PCDHA7: variants seen among roughly 807,000 people sequenced by gnomAD.
The protein encoded by PCDHA7 is protocadherin alpha 7.
Under a neutral mutation model 57.2 loss-of-function variants are expected in PCDHA7, and 37 were observed. The ratio of observed to expected loss-of-function variants is 0.65; its 90% confidence interval spans 0.50 to 0.85. The LOEUF (loss-of-function observed/expected upper bound fraction) is 0.85. Among genes scored for constraint, PCDHA7 ranks in the 40% least tolerant of loss-of-function variants. The pLI, the probability that PCDHA7 is intolerant of heterozygous loss-of-function variation, is 0.00. For missense variants in PCDHA7, 1,188 were observed against 1,241.8 expected (o/e 0.96, Z 0.65); for synonymous variants, 553 against 558.8 (o/e 0.99, Z 0.15).
At chr5:140,918,970 T>C (rs1217884686) in intron 1 of PCDHA7, among the ~76,000 whole-genome samples, 1 of 152,220 alleles carries the variant, frequency 6.6e-6, no homozygotes, top group Non-Finnish European at 1.5e-5. Flanking sequence ...CAGATATCGT[T>C]TAGGTTAGTT....
intron 1 of PCDHA7, among the ~76,000 whole-genome samples, chr5:140,914,956 T>C (rs2076915145): frequency 6.6e-6 from 1 of 150,718 alleles, no homozygotes; most frequent in African/African-American, 2.4e-5. Flanking sequence ...TTTTTTTTTT[T>C]TTTTTTCTGA....
chr5:140,870,689 T>G (rs1349209235), intron 1 of PCDHA7: 1 of 1,612,838 alleles, frequency 6.2e-7, no homozygotes. Context: ...GAGCTGGAGC[T>G]GCTACAGTTC....
In PCDHA7 at chr5:140,834,789, A is replaced by T; in HGVS notation, c.406A>T (p.Thr136Ser). The change falls in exon 1 of 4, where the codon ACA (threonine) becomes TCA (serine). Residue 136 changes from threonine to serine, a missense_variant. Physicochemically the swap from Thr to Ser is moderately conservative, Grantham distance 58. Transcript: ENST00000525929. ...CGACAACCCTCCGGTGTTCCCAGCG[A>T]CACAAAGGAATCTGTTCATCGCGGA... is the stretch of plus-strand genomic sequence containing the variant. The part of the protein sequence containing the change: ...INDNPPVFPA[T>S]QRNLFIAESR... 1 of 1,613,702 alleles carries T rather than the reference A, an allele frequency of 6.2e-7. No individual in the cohort carries two copies. The highest frequency in any genetic ancestry group is 8.5e-7 in the Non-Finnish European group (1 of 1,179,910).
chr5:140,874,673 TG>T (rs1192690253), intron 1 of PCDHA7, among the ~76,000 whole-genome samples: 4 of 152,260 alleles, frequency 2.6e-5, no homozygotes, highest in African/African-American at 9.6e-5. Context: ...AATCTATTCC[TG>T]AGATTTGTTT....
At chr5:140,871,466 A>T in intron 1 of PCDHA7, 1 of 1,603,050 alleles carries the variant, frequency 6.2e-7, no homozygotes. Flanking sequence ...GGGGAAAGAC[A>T]GGAGCCAGGG....
chr5:141,009,690 T>G lies in PCDHA7; in HGVS notation c.2567T>G (p.Phe856Cys). The G allele has an allele frequency of 6.2e-7, 1 of 1,614,068 alleles. No homozygotes were observed. The highest frequency in any genetic ancestry group is 8.5e-7 in the Non-Finnish European group (1 of 1,180,024). The change falls in exon 4 of 4, where the codon TTT (phenylalanine) becomes TGT (cysteine). Residue 856 changes from phenylalanine to cysteine, a missense_variant. Phe to Cys is a radical substitution (Grantham distance 205). Coordinates refer to ENST00000525929, the MANE Select transcript of PCDHA7 (RefSeq NM_018910.3). ...GGTGTCAACAGCAACAGCTGGACCT[T>G]TAAATACGGACCAGGCAACCCCAAA... ...GAGVNSNSWT[F>C]KYGPGNPKQS...
chr5:140,914,076 T>C (rs2076593853), intron 1 of PCDHA7, among the ~76,000 whole-genome samples: 1 of 152,218 alleles, frequency 6.6e-6, no homozygotes, highest in Non-Finnish European at 1.5e-5. Context: ...TCCATAACTA[T>C]CTATTAGGTC....
chr5:140,923,220 G>A (rs1264496576), intron 1 of PCDHA7, among the ~76,000 whole-genome samples: 5 of 71,932 alleles, frequency 7.0e-5, no homozygotes, highest in African/African-American at 2.1e-4. Flanking sequence ...TGAAAGGATC[G>A]TTTGAGCCCA....
At chr5:140,874,647 G>T (rs2055047919) in intron 1 of PCDHA7, among the ~76,000 whole-genome samples, 1 of 152,200 alleles carries the variant, frequency 6.6e-6, no homozygotes, top group Non-Finnish European at 1.5e-5. Context: ...ACTTTTGCTA[G>T]AGTAAAACTT....
rs782166832 is a variant in PCDHA7, at chr5:140,882,300, C to G, written c.2355+45562C>G. 1.4e-5 allele frequency: 22 copies of G among 1,613,604 alleles called. No individual in the cohort carries two copies. The East Asian group carries it at 4.5e-4, about 33-fold the overall frequency. The stretch of plus-strand genomic sequence containing the variant: ...TCTTCCTGGCAAGGAGGCCCAAGAC[C>G]GCGGCAACTACTGCTCTGGCTTCTG... On this transcript the variant is annotated intron_variant, in intron 1 of 3. Coordinates refer to ENST00000525929, the MANE Select transcript of PCDHA7 (RefSeq NM_018910.3).
rs1436927101 is a variant in PCDHA7 at position 140,886,292 on chromosome 5, T to A, written c.2355+49554T>A. Reference sequence around the variant, plus strand: ...AAATTTTTTAAAATTATTTTTATATTTATTTATTTTTTATTACACTTTAAG... The same window carrying A: ...AAATTTTTTAAAATTATTTTTATATATATTTATTTTTTATTACACTTTAAG... On this transcript the variant is annotated intron_variant, in intron 1 of 3. Coordinates refer to ENST00000525929, the MANE Select transcript of PCDHA7 (RefSeq NM_018910.3). 5.3e-5 allele frequency among the ~76,000 whole-genome samples: 8 copies of A among 152,090 alleles called. No homozygotes were observed. In the East Asian group the frequency reaches 1.3e-3, roughly 26 times the overall value.
At chr5:140,888,967 G>T (rs1434157317) in intron 1 of PCDHA7, among the ~76,000 whole-genome samples, 1 of 152,000 alleles carries the variant, frequency 6.6e-6, no homozygotes, top group African/African-American at 2.4e-5. Flanking sequence ...CAATGTTAAT[G>T]TGTTGAATTT....
intron 1 of PCDHA7, among the ~76,000 whole-genome samples, chr5:140,934,505 G>C (rs155823): frequency 0.32 from 48,260 of 151,744 alleles, 8,006 homozygotes; most frequent in East Asian, 0.53. Flanking sequence ...ACACCCAAAG[G>C]GTCCATAGAC....
At chr5:140,870,806 A>AGAGT in intron 1 of PCDHA7, 1 of 1,613,688 alleles carries the variant, frequency 6.2e-7, no homozygotes, top group Non-Finnish European at 8.5e-7. Flanking sequence ...CTGGCGACTC[A>AGAGT]GGCTGGCAGC....
At chr5:140,913,122 C>A (rs2076217505) in intron 1 of PCDHA7, among the ~76,000 whole-genome samples, 1 of 152,158 alleles carries the variant, frequency 6.6e-6, no homozygotes, top group African/African-American at 2.4e-5. Context: ...TGGAAGTTAA[C>A]CCCTCCTCTA....
chr5:140,927,756 T>G (rs782307164), intron 1 of PCDHA7: 2 of 1,614,012 alleles, frequency 1.2e-6, no homozygotes, highest in South Asian at 1.1e-5. Flanking sequence ...ACGTGCACCC[T>G]AAAAGTGGGG....
In PCDHA7 at chr5:140,882,159, T is replaced by C. The variant is rs1017946710; in HGVS notation, c.2355+45421T>C. 76 of 1,509,284 alleles carry C rather than the reference T, an allele frequency of 5.0e-5. No individual in the cohort carries two copies. The African/African-American group carries it at 8.9e-4, about 18-fold the overall frequency. 93.5% of individuals were successfully genotyped at this position (1,509,284 alleles called of 1,614,324 possible). On this transcript the variant is annotated intron_variant, in intron 1 of 3. Transcript: ENST00000525929. ...AAAATATAGCAGAAAGCGGAATACC[T>C]CTTGCGAATCCTTCCGCACTAGGAA...
At chr5:141,004,142 G>C (rs1323224367) in intron 3 of PCDHA7, among the ~76,000 whole-genome samples, 1 of 152,214 alleles carries the variant, frequency 6.6e-6, no homozygotes, top group African/African-American at 2.4e-5. Flanking sequence ...TGCCCCAAAG[G>C]CATGACATTT....
rs2150358985 is a variant in PCDHA7, at chr5:140,843,390, A to T, written c.2355+6652A>T. The T allele has an allele frequency of 7.2e-5, 115 of 1,595,932 alleles. 13 individuals carry two copies. Among genetic ancestry groups the T allele is most frequent in the Admixed American group, 3.7e-4 (22 of 59,276 alleles). ...CAGTCGGCTGGCGTTTTGGGTCCGG[A>T]AGCGGCGCTGGTGGATGTCAACGTG... On this transcript the variant is annotated intron_variant, in intron 1 of 3. Coordinates refer to ENST00000525929, the MANE Select transcript of PCDHA7 (RefSeq NM_018910.3).
Sources: allele counts gnomAD v4.1 joint callset (sites outside exome capture counted in the v4.1 genomes callset), GRCh38; gene constraint gnomAD v4.1.1; transcripts MANE v1.5; gene names NCBI Gene and HGNC (gene_info 2026-07-23, HGNC 2026-07-21).